FANK1: variants seen among roughly 807,000 people sequenced by gnomAD.
FANK1 encodes the protein fibronectin type III and ankyrin repeat domains 1.
In FANK1, 44 loss-of-function variants were observed where a neutral mutation model predicts 45.3. That is an observed-to-expected ratio of 0.97 (90% CI 0.76 to 1.25). FANK1 has a LOEUF of 1.25. Among genes scored for constraint, FANK1 ranks in the 50% most tolerant of loss-of-function variants. The pLI, the probability that FANK1 is intolerant of heterozygous loss-of-function variation, is 0.00. For missense variants in FANK1, 391 were observed against 424.4 expected, an observed-to-expected ratio of 0.92 and a Z score of 0.69; for synonymous variants, 149 against 152.5, an observed-to-expected ratio of 0.98 and a Z score of 0.17.
chr10:125,940,707 A>G (rs117219715), intron 1 of FANK1, among the ~76,000 whole-genome samples: 2 of 152,208 alleles, frequency 1.3e-5, no homozygotes, highest in African/African-American at 4.8e-5. Context: ...GCACGAGGCC[A>G]TATCTCAGGC....
chr10:125,994,172 G>A (rs1167688037), intron 3 of FANK1, among the ~76,000 whole-genome samples: 2 of 141,954 alleles, frequency 1.4e-5, no homozygotes, highest in East Asian at 2.4e-4. Context: ...GGAGGATGGG[G>A]TAAGAGGGAG....
intron 1 of FANK1, among the ~76,000 whole-genome samples, chr10:125,962,488 G>A (rs1949984741): frequency 1.3e-5 from 2 of 151,984 alleles, no homozygotes; most frequent in Admixed American, 6.6e-5. Context: ...TAGGTCACTG[G>A]TGCTCTTAAT....
At chr10:125,905,680 A>C (rs1945440524) in intron 1 of FANK1, among the ~76,000 whole-genome samples, 1 of 152,244 alleles carries the variant, frequency 6.6e-6, no homozygotes, top group African/African-American at 2.4e-5. Context: ...GATTTGGGAG[A>C]TAACTCCCCC....
At position 125,999,263 on chromosome 10, in the gene FANK1, G is replaced by A. The variant is rs189851732; in HGVS notation, c.539+1778G>A. ...CCTCCAGATTGGAGTGCAGTGGCGC[G>A]ATCTCAGCCCACTGCAAGCTCTGCC... is the stretch of plus-strand genomic sequence containing the variant. On this transcript the variant is annotated intron_variant, in intron 6 of 10. Coordinates refer to ENST00000368693, the MANE Select transcript of FANK1 (RefSeq NM_145235.5). 4.4e-3 allele frequency among the ~76,000 whole-genome samples: 638 copies of A among 146,130 alleles called. 2 individuals carry two copies. Among genetic ancestry groups the A allele is most frequent in the African/African-American group, 0.015 (599 of 39,454 alleles).
At chr10:125,994,339 CT>C (rs771985118) in intron 3 of FANK1, 1,103 of 959,490 alleles carry the variant, frequency 1.1e-3, no homozygotes, top group Non-Finnish European at 1.3e-3. Context: ...TGCTAACCCC[CT>C]AGAGCCTAGC....
intron 1 of FANK1, among the ~76,000 whole-genome samples, chr10:125,926,741 A>G (rs997778061): frequency 2.0e-5 from 3 of 151,876 alleles, no homozygotes; most frequent in African/African-American, 7.3e-5. Flanking sequence ...ATTTCTTCTT[A>G]TATCCCAGAT....
At chr10:126,001,312 T>C (rs974137347) in intron 6 of FANK1, among the ~76,000 whole-genome samples, 1 of 152,212 alleles carries the variant, frequency 6.6e-6, no homozygotes, top group Non-Finnish European at 1.5e-5. Flanking sequence ...AGTATGCCAA[T>C]GCTGTTTTCA....
At chr10:125,899,800 C>A (rs1297069252) in intron 1 of FANK1, among the ~76,000 whole-genome samples, 1 of 152,104 alleles carries the variant, frequency 6.6e-6, no homozygotes, top group African/African-American at 2.4e-5. Flanking sequence ...ATATTTTAAA[C>A]CCTGTTCCTT....
At chr10:125,930,724 T>A (rs1222900902) in intron 1 of FANK1, among the ~76,000 whole-genome samples, 5 of 152,280 alleles carry the variant, frequency 3.3e-5, no homozygotes, top group Admixed American at 1.3e-4. Context: ...GTTCCTTTTT[T>A]AAAATTTTCC....
chr10:125,962,953 G>A (rs1167790840), intron 1 of FANK1, among the ~76,000 whole-genome samples: 1 of 151,058 alleles, frequency 6.6e-6, no homozygotes, highest in African/African-American at 2.4e-5. Context: ...TGCAAATAAT[G>A]AACCAATGTT....
At chr10:125,992,047 G>A (rs1271319312) in intron 3 of FANK1, among the ~76,000 whole-genome samples, 3 of 151,838 alleles carry the variant, frequency 2.0e-5, no homozygotes, top group Non-Finnish European at 2.9e-5. Context: ...GCAACACTCA[G>A]GGTAAAACAC....
intron 6 of FANK1, among the ~76,000 whole-genome samples, chr10:126,001,484 C>T (rs1235802120): frequency 1.3e-5 from 2 of 152,192 alleles, no homozygotes; most frequent in East Asian, 1.9e-4. Flanking sequence ...AGCAGGCAAG[C>T]GGAGCGGGTC....
At chr10:125,988,708 T>C in intron 3 of FANK1, 33 bp downstream of exon 3, 1 of 1,614,168 alleles carries the variant, frequency 6.2e-7, no homozygotes, top group Non-Finnish European at 8.5e-7. Context: ...CTCACCTCTC[T>C]CTAGATCAAT....
chr10:126,003,169 A>G (rs1258575699), intron 6 of FANK1, among the ~76,000 whole-genome samples: 1 of 150,566 alleles, frequency 6.6e-6, no homozygotes, highest in Non-Finnish European at 1.5e-5. Flanking sequence ...TATCTTATAG[A>G]ATGTCCTATG....
intron 1 of FANK1, among the ~76,000 whole-genome samples, chr10:125,935,843 T>C (rs951404686): frequency 6.6e-6 from 1 of 152,226 alleles, no homozygotes; most frequent in African/African-American, 2.4e-5. Flanking sequence ...TCTATTAATA[T>C]AGTAATTACA....
At chr10:125,979,349 C>G (rs1224099175) in intron 1 of FANK1, among the ~76,000 whole-genome samples, 1 of 152,164 alleles carries the variant, frequency 6.6e-6, no homozygotes, top group African/African-American at 2.4e-5. Context: ...GCCACTCACT[C>G]TTGTGTGTAT....
At chr10:125,950,365 C>T (rs1245241711) in intron 1 of FANK1, among the ~76,000 whole-genome samples, 9 of 147,896 alleles carry the variant, frequency 6.1e-5, no homozygotes, top group South Asian at 2.2e-4. Context: ...GCAACCTACT[C>T]ATCTGACAAA....
chr10:125,949,409 A>T (rs1186510840), intron 1 of FANK1, among the ~76,000 whole-genome samples: 6 of 152,208 alleles, frequency 3.9e-5, no homozygotes, highest in Non-Finnish European at 7.3e-5. Flanking sequence ...CTGATAAACA[A>T]CTTCAGCAAA....
chr10:126,004,979 C>G lies in FANK1; in HGVS notation c.635C>G (p.Thr212Arg). 6.2e-7 allele frequency: 1 copy of G among 1,614,180 alleles called. No individual in the cohort carries two copies. Among genetic ancestry groups the G allele is most frequent in the South Asian group, 1.1e-5 (1 of 91,074 alleles). ...CAGGCTAGAGACCTGGGAGGCTGTA[C>G]AGCTCTGCACTGGGCTGCAGATGGA... ...SWQARDLGGC[T>R]ALHWAADGGH... The change falls in exon 7 of 11, where the codon ACA (threonine) becomes AGA (arginine). Residue 212 changes from threonine (T) to arginine (R), a missense_variant. Physicochemically the swap from Thr to Arg is moderately conservative, Grantham distance 71 (BLOSUM62 -1). Coordinates refer to ENST00000368693, the MANE Select transcript of FANK1 (RefSeq NM_145235.5).
Sources: allele counts gnomAD v4.1 joint callset (sites outside exome capture counted in the v4.1 genomes callset), GRCh38; gene constraint gnomAD v4.1.1; transcripts MANE v1.5; gene names NCBI Gene and HGNC (gene_info 2026-07-23, HGNC 2026-07-21).